WWC1: variants seen among roughly 807,000 people sequenced by gnomAD.
The protein encoded by WWC1 is protein KIBRA.
In WWC1, 55 loss-of-function variants were observed where a neutral mutation model predicts 138.4. The ratio of observed to expected loss-of-function variants is 0.40; its 90% CI spans 0.32 to 0.50. The LOEUF (loss-of-function observed/expected upper bound fraction) is 0.50. Ranked by LOEUF, WWC1 falls within the 20% of genes least tolerant of loss-of-function variation. The pLI is 0.72. For missense variants in WWC1, 1,226 were observed against 1,420.4 expected (o/e 0.86, Z 2.20); for synonymous variants, 524 against 564.9 (o/e 0.93, Z 1.03).
At chr5:168,324,668 C>A (rs1772392001) in intron 1 of WWC1, among the ~76,000 whole-genome samples, 1 of 151,184 alleles carries the variant, frequency 6.6e-6, no homozygotes, top group East Asian at 1.9e-4. Context: ...CAACAAATGG[C>A]AAATTGGTAG....
At chr5:168,387,004 C>G (rs1310120568) in intron 3 of WWC1, among the ~76,000 whole-genome samples, 2 of 152,182 alleles carry the variant, frequency 1.3e-5, no homozygotes, top group Non-Finnish European at 2.9e-5. Flanking sequence ...CTGTTTCATG[C>G]CAGACACTCT....
chr5:168,406,476 G>A, intron 6 of WWC1, 149 bp downstream of exon 6: 2 of 1,122,176 alleles, frequency 1.8e-6, no homozygotes, highest in Non-Finnish European at 1.3e-6. Context: ...ATTTCATAGA[G>A]GAGGACGTGG....
At chr5:168,304,943 G>A (rs1268401438) in intron 1 of WWC1, among the ~76,000 whole-genome samples, 12 of 151,050 alleles carry the variant, frequency 7.9e-5, no homozygotes, top group African/African-American at 2.4e-4. Context: ...CTCCTGCCTC[G>A]GCTTCCCGAG....
intron 5 of WWC1, among the ~76,000 whole-genome samples, chr5:168,400,678 G>A (rs1198382954): frequency 6.6e-6 from 1 of 152,188 alleles, no homozygotes; most frequent in African/African-American, 2.4e-5. Context: ...GCTGGGCACA[G>A]TGGCTCAGGC....
chr5:168,299,012 G>A (rs1338024653), intron 1 of WWC1, among the ~76,000 whole-genome samples: 1 of 152,196 alleles, frequency 6.6e-6, no homozygotes, highest in East Asian at 1.9e-4. Flanking sequence ...TTGAACCCAG[G>A]AGGCGGAGGT....
At chr5:168,336,637 G>A (rs1477951383) in intron 1 of WWC1, among the ~76,000 whole-genome samples, 2 of 151,590 alleles carry the variant, frequency 1.3e-5, no homozygotes, top group Non-Finnish European at 2.9e-5. Flanking sequence ...CCCCGGCCAG[G>A]AGGATCTGAG....
intron 19 of WWC1, among the ~76,000 whole-genome samples, chr5:168,456,858 G>A (rs932786060): frequency 6.6e-6 from 1 of 152,092 alleles, no homozygotes; most frequent in African/African-American, 2.4e-5. Context: ...TTTGTTAAAT[G>A]GGAGATATAA....
Position 168,383,415 on chromosome 5 carries a change from T to G in WWC1, c.230-1796T>G, listed in dbSNP as rs912999306. 2.0e-5 allele frequency among the ~76,000 whole-genome samples: 3 copies of G among 152,178 alleles called. No homozygotes were observed. The South Asian group carries it at 6.2e-4, about 31-fold the overall frequency. On this transcript the variant is annotated intron_variant, in intron 2 of 22. Transcript: ENST00000265293. ...CTTTCTGTTGTAACACAGCGATTAT[T>G]GGCAGGAATGAGAACTTGGCCCTGC...
At chr5:168,355,494 C>CAAAAAAAA (rs564674062) in intron 1 of WWC1, among the ~76,000 whole-genome samples, 2 of 66,524 alleles carry the variant, frequency 3.0e-5, no homozygotes, top group African/African-American at 5.9e-5. Context: ...GACTCCGTCT[C>CAAAAAAAA]AAAAAAAAAA....
At chr5:168,447,615 G>A (rs961195064) in intron 17 of WWC1, among the ~76,000 whole-genome samples, 1 of 152,068 alleles carries the variant, frequency 6.6e-6, no homozygotes, top group Non-Finnish European at 1.5e-5. Flanking sequence ...CAGCAGACAG[G>A]ATTGGGCCCA....
intron 17 of WWC1, among the ~76,000 whole-genome samples, chr5:168,451,808 A>T (rs1360802887): frequency 6.6e-6 from 1 of 151,986 alleles, no homozygotes; most frequent in Non-Finnish European, 1.5e-5. Flanking sequence ...AAAGATAAAC[A>T]ACACCAAGTG....
chr5:168,467,237 G>C lies in WWC1; in HGVS notation c.3151-603G>C, dbSNP rs1294344304. Among the ~76,000 whole-genome samples the C allele has an allele frequency of 2.6e-5, 4 of 152,330 alleles. No individual in the cohort carries two copies. In the East Asian group the frequency reaches 5.8e-4, roughly 22 times the overall value. ...TGCGCCCCTACACTCCAGCCTGGGC[G>C]ACAGAGCGAGACTCCGTCTCAAAAC... is the stretch of plus-strand genomic sequence containing the variant. On this transcript the variant is annotated intron_variant, in intron 21 of 22. Coordinates refer to ENST00000265293, the MANE Select transcript of WWC1 (RefSeq NM_015238.3).
At chr5:168,373,719 TAAAAAAAAAAAAA>T (rs368930085) in intron 2 of WWC1, among the ~76,000 whole-genome samples, 87 of 52,646 alleles carry the variant, frequency 1.7e-3, no homozygotes, top group Non-Finnish European at 2.3e-3. Context: ...CCTTGTCTCT[TAAAAAAAAAAAAA>T]AAAAAAAAAA....
At chr5:168,466,914 T>C (rs1331996551) in intron 21 of WWC1, among the ~76,000 whole-genome samples, 1 of 146,822 alleles carries the variant, frequency 6.8e-6, no homozygotes, top group East Asian at 2.0e-4. Context: ...ACCTTTCAAA[T>C]AGTAAAAAAA....
intron 17 of WWC1, among the ~76,000 whole-genome samples, chr5:168,446,771 G>A (rs1462572074): frequency 6.6e-6 from 1 of 152,220 alleles, no homozygotes; most frequent in Non-Finnish European, 1.5e-5. Flanking sequence ...AAGATCAGGT[G>A]CAAAGCACAT....
intron 1 of WWC1, among the ~76,000 whole-genome samples, chr5:168,311,242 T>G (rs1041845898): frequency 6.6e-6 from 1 of 152,028 alleles, no homozygotes; most frequent in Non-Finnish European, 1.5e-5. Context: ...CCTCCCTACT[T>G]CCAGCAGGAA....
At chr5:168,414,847 T>C in intron 9 of WWC1, 1 of 501,520 alleles carries the variant, frequency 2.0e-6, no homozygotes, top group South Asian at 3.0e-5. Flanking sequence ...TTCAAAAATG[T>C]ATCTTCTGAC....
chr5:168,390,810 G>T (rs1295438488), intron 3 of WWC1, among the ~76,000 whole-genome samples: 1 of 152,222 alleles, frequency 6.6e-6, no homozygotes, highest in Non-Finnish European at 1.5e-5. Context: ...GTAATCTCTA[G>T]CTCCATGGGG....
In WWC1 at chr5:168,399,585, C is replaced by T. The variant is rs1410366960; in HGVS notation, c.590+18C>T. On this transcript the variant is annotated intron_variant, in intron 5 of 22. Transcript: ENST00000265293. ...CTGAAGAAGTAAGTACACCCTGCATCCCAGAGCATGGGGGCTGCTCCCCAC... is the reference window on the plus strand; with the variant it reads ...CTGAAGAAGTAAGTACACCCTGCATTCCAGAGCATGGGGGCTGCTCCCCAC... 1 of 1,613,404 alleles carries T rather than the reference C, an allele frequency of 6.2e-7. No individual in the cohort carries two copies. Among genetic ancestry groups the T allele is most frequent in the Non-Finnish European group, 8.5e-7 (1 of 1,179,598 alleles).
Sources: allele counts gnomAD v4.1 joint callset (sites outside exome capture counted in the v4.1 genomes callset), GRCh38; gene constraint gnomAD v4.1.1; transcripts MANE v1.5; gene names NCBI Gene and HGNC (gene_info 2026-07-23, HGNC 2026-07-21).